The following MACROD2 variants were observed in gnomAD, a reference collection of about 807,000 sequenced individuals.
MACROD2 encodes the protein mono-ADP ribosylhydrolase 2.
Under a neutral mutation model 70.4 loss-of-function variants are expected in MACROD2, and 36 were observed. The ratio of observed to expected loss-of-function variants is 0.51; its 90% CI spans 0.39 to 0.68. The LOEUF (loss-of-function observed/expected upper bound fraction) is 0.68, where lower values mean the gene tolerates loss of function less well. Among genes scored for constraint, MACROD2 ranks in the 30% least tolerant of loss-of-function variants. The pLI, the probability that MACROD2 is intolerant of heterozygous loss-of-function variation, is 0.00. For missense variants in MACROD2, 496 were observed against 538.4 expected (o/e 0.92, Z 0.78); for synonymous variants, 172 against 178.8 (o/e 0.96, Z 0.30).
intron 3 of MACROD2, among the ~76,000 whole-genome samples, chr20:14,154,250 T>C (rs2055062237): frequency 6.6e-6 from 1 of 152,098 alleles, no homozygotes; most frequent in African/African-American, 2.4e-5. Context: ...TCCTGACGAG[T>C]GTACTGGGCA....
At chr20:15,734,338 C>T (rs2050989086) in intron 8 of MACROD2, among the ~76,000 whole-genome samples, 1 of 152,038 alleles carries the variant, frequency 6.6e-6, no homozygotes, top group African/African-American at 2.4e-5. Context: ...AAGGATCAGA[C>T]AATTTTCCAG....
chr20:14,360,982 G>A (rs1431824090), intron 3 of MACROD2, among the ~76,000 whole-genome samples: 1 of 152,148 alleles, frequency 6.6e-6, no homozygotes, highest in Non-Finnish European at 1.5e-5. Flanking sequence ...TGAAAAGCAG[G>A]GCTTCCTAGC....
chr20:15,292,084 C>T (rs1211441737), intron 6 of MACROD2, among the ~76,000 whole-genome samples: 2 of 152,064 alleles, frequency 1.3e-5, no homozygotes, highest in Non-Finnish European at 2.9e-5. Context: ...CTTTGCTGCC[C>T]AGGCTGAACT....
rs118051566 is a variant in MACROD2 at position 15,880,448 on chromosome 20, G to A, written c.728-5316G>A. Among the ~76,000 whole-genome samples, 500 of 151,814 alleles carry A rather than the reference G, an allele frequency of 3.3e-3. 3 individuals are homozygous for A. The highest frequency in any genetic ancestry group is 0.01 in the Middle Eastern group (3 of 294). ...TGAAGTAGAAGTATGTTGGGGCGGC[G>A]GGGGTGTGGCAGGGAGATGATCCCA... is the stretch of plus-strand genomic sequence containing the variant. On this transcript the variant is annotated intron_variant, in intron 9 of 17. Coordinates refer to ENST00000684519, the MANE Select transcript of MACROD2 (RefSeq NM_001351661.2).
intron 5 of MACROD2, among the ~76,000 whole-genome samples, chr20:14,806,123 G>C (rs533717711): frequency 4.6e-5 from 7 of 152,106 alleles, no homozygotes; most frequent in Non-Finnish European, 1.0e-4. Flanking sequence ...CATCTGGTAC[G>C]TCTTTGGATA....
chr20:14,085,927 TACAGTGAAAG>T (rs2054071711), intron 3 of MACROD2, among the ~76,000 whole-genome samples, 199 bp downstream of exon 3: 6 of 152,186 alleles, frequency 3.9e-5, no homozygotes, highest in Admixed American at 3.9e-4. Context: ...CAGTACCCTC[TACAGTGAAAG>T]GCGCTAGGTT....
intron 8 of MACROD2, among the ~76,000 whole-genome samples, chr20:15,621,817 A>T (rs12624787): frequency 0.053 from 8,144 of 152,282 alleles, 338 homozygotes; most frequent in South Asian, 0.11. Flanking sequence ...GCCACGCAGA[A>T]TGTACTTTTA....
intron 5 of MACROD2, among the ~76,000 whole-genome samples, chr20:15,121,562 G>A (rs2076031473): frequency 6.6e-6 from 1 of 151,860 alleles, no homozygotes; most frequent in Non-Finnish European, 1.5e-5. Context: ...TAAGGAGACG[G>A]GTAGGTCAGC....
intron 7 of MACROD2, among the ~76,000 whole-genome samples, chr20:15,437,503 T>A (rs1169847676): frequency 6.6e-6 from 1 of 152,192 alleles, no homozygotes; most frequent in Non-Finnish European, 1.5e-5. Flanking sequence ...GAAACATTTT[T>A]AAAAAGTTTT....
rs1451108196 is a variant in MACROD2, at chr20:15,441,457, A to G, written c.571+10022A>G. Among the ~76,000 whole-genome samples the G allele has an allele frequency of 2.6e-5, 4 of 152,246 alleles. No homozygotes were observed. The East Asian group carries it at 7.7e-4, about 29-fold the overall frequency. The stretch of plus-strand genomic sequence containing the variant: ...AATCCTGGAAACTTAGTTTTTCTGG[A>G]ATGCAGAGGCAGTGAGAAACCAGTG... On this transcript the variant is annotated intron_variant, in intron 7 of 17. Transcript: ENST00000684519.
intron 6 of MACROD2, among the ~76,000 whole-genome samples, chr20:15,244,345 A>G (rs763902935): frequency 1.3e-5 from 2 of 152,246 alleles, no homozygotes; most frequent in Non-Finnish European, 2.9e-5. Context: ...TACACTAGCC[A>G]TAGTAAGGTG....
intron 3 of MACROD2, among the ~76,000 whole-genome samples, chr20:14,453,748 C>T (rs2084269852): frequency 1.3e-5 from 2 of 151,952 alleles, no homozygotes; most frequent in African/African-American, 4.8e-5. Flanking sequence ...TAAAGAATGC[C>T]ACTCTTAACA....
chr20:14,572,250 G>A (rs1194625919), intron 4 of MACROD2, among the ~76,000 whole-genome samples: 1 of 152,066 alleles, frequency 6.6e-6, no homozygotes, highest in Admixed American at 6.6e-5. Flanking sequence ...AGATCAGTTG[G>A]TGTTCATTTT....
rs548704105 is a variant in MACROD2 at position 14,958,542 on chromosome 20, C to T, written c.419-271398C>T. Among the ~76,000 whole-genome samples the T allele has an allele frequency of 1.2e-4, 18 of 152,270 alleles. No individual in the cohort carries two copies. The South Asian group carries it at 3.7e-3, about 32-fold the overall frequency. ...ATCCAGGCTTATTCCTGTCCAAGGG[C>T]CAAGGTTGTTTTCTTTGGCACTGCA... On this transcript the variant is annotated intron_variant, in intron 5 of 17. Transcript: ENST00000684519.
chr20:15,566,849 T>C (rs1418961490), intron 8 of MACROD2, among the ~76,000 whole-genome samples: 2 of 152,204 alleles, frequency 1.3e-5, no homozygotes, highest in Admixed American at 6.5e-5. Context: ...TAATTTACCA[T>C]AGTTACACTG....
rs955225066 is a variant in MACROD2 at position 15,047,910 on chromosome 20, A to G, written c.419-182030A>G. The stretch of plus-strand genomic sequence containing the variant: ...TCAGCCTGGGACCCACAGTGAAGAC[A>G]TTATGGAACAGAGTTTAGCCACCTG... On this transcript the variant is annotated intron_variant, in intron 5 of 17. Transcript: ENST00000684519. Among the ~76,000 whole-genome samples the G allele has an allele frequency of 2.6e-5, 4 of 152,318 alleles. No individual in the cohort carries two copies. The East Asian group carries it at 5.8e-4, about 22-fold the overall frequency.
At chr20:15,649,853 A>G (rs535309006) in intron 8 of MACROD2, among the ~76,000 whole-genome samples, 196 of 152,326 alleles carry the variant, frequency 1.3e-3, no homozygotes, top group African/African-American at 4.4e-3. Flanking sequence ...CCATAACCCA[A>G]AGATGTCACA....
intron 4 of MACROD2, among the ~76,000 whole-genome samples, chr20:14,574,884 G>A (rs902656194): frequency 6.8e-6 from 1 of 147,002 alleles, no homozygotes; most frequent in Non-Finnish European, 1.5e-5. Context: ...GGTGGCGGGC[G>A]CCTGTAGTCC....
At chr20:14,908,680 G>A (rs1185823622) in intron 5 of MACROD2, among the ~76,000 whole-genome samples, 1 of 151,958 alleles carries the variant, frequency 6.6e-6, no homozygotes, top group Non-Finnish European at 1.5e-5. Flanking sequence ...AAAAAAAAGT[G>A]TATCTTCAGA....
Sources: allele counts gnomAD v4.1 joint callset (sites outside exome capture counted in the v4.1 genomes callset), GRCh38; gene constraint gnomAD v4.1.1; transcripts MANE v1.5; gene names NCBI Gene and HGNC (gene_info 2026-07-23, HGNC 2026-07-21).